Variants in NCKAP1 observed in about 807,000 individuals in gnomAD.
NCKAP1 encodes NCK associated protein 1.
In NCKAP1, 21 loss-of-function variants were observed where a neutral mutation model predicts 151.2. The ratio of observed to expected loss-of-function variants is 0.14; its 90% CI spans 0.10 to 0.20. The LOEUF is 0.20. Ranked by LOEUF, NCKAP1 falls within the 10% of genes least tolerant of loss-of-function variation. NCKAP1 has a pLI of 1.00. For synonymous variants in NCKAP1, 484 were observed against 451.8 expected (o/e 1.07, Z -0.90); for missense variants, 933 against 1,352.1 (o/e 0.69, Z 4.86).
At chr2:182,929,856 T>C (rs1055159806) in intron 27 of NCKAP1, among the ~76,000 whole-genome samples, 6 of 151,848 alleles carry the variant, frequency 4.0e-5, no homozygotes, top group African/African-American at 9.7e-5. Context: ...TGAAATGCTA[T>C]ATTTACTTTG....
intron 9 of NCKAP1, among the ~76,000 whole-genome samples, chr2:182,986,790 CTT>C (rs1168736478): frequency 2.0e-5 from 3 of 151,968 alleles, no homozygotes; most frequent in East Asian, 1.9e-4. Flanking sequence ...TTTAAAAAAA[CTT>C]ATTTTTCAAA....
intron 24 of NCKAP1, among the ~76,000 whole-genome samples, chr2:182,938,529 T>G (rs1442825340): frequency 2.0e-5 from 3 of 152,096 alleles, no homozygotes; most frequent in Admixed American, 6.5e-5. Context: ...GTGGACATAT[T>G]ACAGCACACC....
chr2:182,926,730 G>C (rs1696655565), intron 30 of NCKAP1, 86 bp downstream of exon 30: 3 of 901,080 alleles, frequency 3.3e-6, no homozygotes, highest in Middle Eastern at 3.3e-4. Context: ...ATCAAAAAAA[G>C]TATTCAATGA....
chr2:182,968,150 C>G (rs1193325104), intron 15 of NCKAP1, among the ~76,000 whole-genome samples: 2 of 152,028 alleles, frequency 1.3e-5, no homozygotes, highest in African/African-American at 4.8e-5. Flanking sequence ...TTTAGTGAAG[C>G]ACTAAGGGTT....
intron 2 of NCKAP1, among the ~76,000 whole-genome samples, chr2:183,005,500 C>A (rs1698455164): frequency 6.6e-6 from 1 of 152,154 alleles, no homozygotes; most frequent in Non-Finnish European, 1.5e-5. Flanking sequence ...AATCTCATCT[C>A]TTTACTTCTG....
At chr2:182,987,067 C>A (rs967746493) in intron 9 of NCKAP1, among the ~76,000 whole-genome samples, 5 of 152,014 alleles carry the variant, frequency 3.3e-5, no homozygotes, top group African/African-American at 1.2e-4. Context: ...CATGGTGAAA[C>A]CCCATCTCTA....
At chr2:183,019,027 A>G (rs1459781409) in intron 2 of NCKAP1, among the ~76,000 whole-genome samples, 1 of 152,204 alleles carries the variant, frequency 6.6e-6, no homozygotes, top group Non-Finnish European at 1.5e-5. Flanking sequence ...TCTATAACAT[A>G]AAAGATTCCT....
chr2:183,038,164 C>T lies in NCKAP1; in HGVS notation c.-65G>A, dbSNP rs1699144055. The T allele has an allele frequency of 1.6e-6, 2 of 1,226,368 alleles. 1 individual carries two copies. Among genetic ancestry groups the T allele is most frequent in the Non-Finnish European group, 2.2e-6 (2 of 913,132 alleles). The allele number at this position is 1,226,368 out of a possible 1,614,324, so 76.0% of individuals were successfully genotyped here. A position where few individuals can be genotyped will look rare whatever the true frequency, so the allele number is the denominator to read the frequency against. ...CCCAGTCACGGGCCCGCGGCCTTCG[C>T]AGCAGCCTCTCTCGGGCCTCCTCCC... On this transcript the variant is annotated 5_prime_UTR_variant, in exon 1 of 31. Coordinates refer to ENST00000361354, the MANE Select transcript of NCKAP1 (RefSeq NM_013436.5).
chr2:183,029,078 C>A (rs1257191599), intron 1 of NCKAP1, among the ~76,000 whole-genome samples: 2 of 151,990 alleles, frequency 1.3e-5, no homozygotes, highest in Non-Finnish European at 2.9e-5. Context: ...GATCGCGCCA[C>A]TGCACTCCAG....
intron 24 of NCKAP1, 176 bp from the exon 25 acceptor site, chr2:182,935,551 A>G (rs1696856364): frequency 2.2e-6 from 1 of 464,270 alleles, no homozygotes; most frequent in Non-Finnish European, 3.7e-6. Flanking sequence ...GATAGCTGAT[A>G]TTTAAACTGG....
chr2:182,949,868 G>A (rs1206416651), intron 23 of NCKAP1, among the ~76,000 whole-genome samples: 1 of 152,216 alleles, frequency 6.6e-6, no homozygotes, highest in East Asian at 1.9e-4. Flanking sequence ...CCTAATATGT[G>A]TTAGGTCTGC....
chr2:182,981,394 G>A lies in NCKAP1; in HGVS notation c.1209-18C>T. On this transcript the variant is annotated intron_variant, in intron 12 of 30. Transcript: ENST00000361354. ...CAATGTGCCTTTTTTAAAATTTCAA[G>A]AAAAATATTCAAATAATAAATTCAT... The A allele has an allele frequency of 3.2e-6, 5 of 1,548,658 alleles. No individual in the cohort carries two copies. Among genetic ancestry groups the A allele is most frequent in the Non-Finnish European group, 4.4e-6 (5 of 1,126,392 alleles).
chr2:182,923,545 T>C lies in NCKAP1; in HGVS notation c.*2157A>G, dbSNP rs1427018443. The stretch of plus-strand genomic sequence containing the variant: ...GCCTTGGCCTCCCAAAGTGCTGAAA[T>C]AGGCGTGTGCCACTACGCCTGGCCA... On this transcript the variant is annotated 3_prime_UTR_variant, in exon 31 of 31. Coordinates refer to ENST00000361354, the MANE Select transcript of NCKAP1 (RefSeq NM_013436.5). The C allele has an allele frequency of 6.6e-6, 1 of 152,240 alleles. No homozygotes were observed. Among genetic ancestry groups the C allele is most frequent in the Non-Finnish European group, 1.5e-5 (1 of 68,052 alleles). 9.4% of individuals were successfully genotyped at this position (152,240 alleles called of 1,614,324 possible). A position where few individuals can be genotyped will look rare whatever the true frequency, so the allele number is the denominator to read the frequency against.
At chr2:183,037,734 G>A (rs1230461204) in intron 1 of NCKAP1, among the ~76,000 whole-genome samples, 1 of 152,050 alleles carries the variant, frequency 6.6e-6, no homozygotes, top group Non-Finnish European at 1.5e-5. Flanking sequence ...CCCGTGCGAG[G>A]CCCAGCGCCC....
At chr2:182,957,107 A>G (rs1019759183) in intron 19 of NCKAP1, 2 of 182,586 alleles carry the variant, frequency 1.1e-5, no homozygotes, top group African/African-American at 4.7e-5. Context: ...CTAATATATC[A>G]AAAACATGCC....
rs762146161 is a variant in NCKAP1, at chr2:182,994,864, C to T, written c.765G>A (p.Leu255=). The change falls in exon 8 of 31, where the codon TTG becomes TTA. Residue 255 remains leucine (L), a synonymous_variant. Transcript: ENST00000361354. The part of the protein sequence containing the change: ...SDTMPCEYLS[L]DAMEKWIIFG... ...AGATAATCCACTTTTCCATTGCATC[C>T]AAAGAGAGGTATTCACAAGGCATCT... 6.2e-7 allele frequency: 1 copy of T among 1,606,608 alleles called. No individual in the cohort carries two copies. Among genetic ancestry groups the T allele is most frequent in the South Asian group, 1.1e-5 (1 of 90,882 alleles).
At position 182,928,767 on chromosome 2, in the gene NCKAP1, T is replaced by C. The variant is rs1341645244; in HGVS notation, c.3070+16A>G. On this transcript the variant is annotated intron_variant, in intron 28 of 30. Transcript: ENST00000361354. ...ATGATTTATTCATCGCCAAAACAATTTTAAACCACTATTACCTTCTATAGC... is the reference window on the plus strand; with the variant it reads ...ATGATTTATTCATCGCCAAAACAATCTTAAACCACTATTACCTTCTATAGC... 5 of 1,512,914 alleles carry C rather than the reference T, an allele frequency of 3.3e-6. No individual in the cohort carries two copies. Among genetic ancestry groups the C allele is most frequent in the Non-Finnish European group, 4.5e-6 (5 of 1,111,692 alleles). 93.7% of individuals were successfully genotyped at this position (1,512,914 alleles called of 1,614,324 possible). A position where few individuals can be genotyped will look rare whatever the true frequency, so the allele number is the denominator to read the frequency against.
At position 182,918,525 on chromosome 2, in the gene NCKAP1, T is replaced by C. The variant is rs566917780; in HGVS notation, c.*7177A>G. On this transcript the variant is annotated 3_prime_UTR_variant, in exon 31 of 31. Transcript: ENST00000361354. ...CAGCCATAAAAAAAGAAACAATGTC[T>C]TTTTGCAGCAACTATGATGGAGCCA... 6.6e-6 allele frequency: 1 copy of C among 152,320 alleles called. No individual in the cohort carries two copies. Among genetic ancestry groups the C allele is most frequent in the South Asian group, 2.1e-4 (1 of 4,820 alleles). 9.4% of individuals were successfully genotyped at this position (152,320 alleles called of 1,614,324 possible). A position where few individuals can be genotyped will look rare whatever the true frequency, so the allele number is the denominator to read the frequency against.
chr2:182,936,115 C>T (rs1281798076), intron 24 of NCKAP1, among the ~76,000 whole-genome samples: 3 of 151,756 alleles, frequency 2.0e-5, no homozygotes, highest in African/African-American at 4.8e-5. Flanking sequence ...AAAAATCAAT[C>T]GGGTGTGGGG....
Sources: allele counts gnomAD v4.1 joint callset (sites outside exome capture counted in the v4.1 genomes callset), GRCh38; gene constraint gnomAD v4.1.1; transcripts MANE v1.5; gene names NCBI Gene and HGNC (gene_info 2026-07-23, HGNC 2026-07-21).